Variants in SDF4 observed in about 807,000 individuals in gnomAD.
SDF4 encodes stromal cell derived factor 4.
In SDF4, 22 loss-of-function variants were observed where a neutral mutation model predicts 34.2. The observed-to-expected ratio is 0.64, with a 90% CI of 0.46 to 0.92. SDF4 has a LOEUF of 0.92. Ranked by LOEUF, SDF4 falls within the 40% of genes least tolerant of loss-of-function variation. SDF4 has a pLI of 0.00. For missense variants in SDF4, 447 were observed against 499.9 expected, an observed-to-expected ratio of 0.89 and a Z score of 1.01; for synonymous variants, 236 against 203.1, an observed-to-expected ratio of 1.16 and a Z score of -1.38.
Position 1,223,306 on chromosome 1 carries a change from T to C in SDF4, c.494A>G (p.His165Arg), listed in dbSNP as rs779968842. 2.5e-5 allele frequency: 40 copies of C among 1,614,000 alleles called. No homozygotes were observed. The Admixed American group carries it at 2.7e-4, about 11-fold the overall frequency. Reference protein sequence around the residue: ...YKVKFLASKGHSEKEVADAIR... With the variant: ...YKVKFLASKGRSEKEVADAIR... ...GGCGTCGGCAACCTCCTTCTCGCTA[T>C]GGCCTTTACTCGCCAAAAACTTCAC... Residue 165 changes from histidine to arginine, a missense_variant, in exon 4 of 7, where the codon CAT (histidine) becomes CGT (arginine). Physicochemically the swap from His to Arg is conservative, Grantham distance 29. Transcript: ENST00000360001.
intron 4 of SDF4, chr1:1,220,498 C>T: frequency 8.3e-7 from 1 of 1,198,934 alleles, no homozygotes; most frequent in Non-Finnish European, 1.1e-6. Context: ...GACCCGGCAG[C>T]TGCTCTTCCT....
In SDF4 at chr1:1,228,704, A is replaced by G; in HGVS notation, c.69T>C (p.Leu23=). 4 of 1,612,850 alleles carry G rather than the reference A, an allele frequency of 2.5e-6. No individual in the cohort carries two copies. Among genetic ancestry groups the G allele is most frequent in the Non-Finnish European group, 3.4e-6 (4 of 1,180,004 alleles). The change falls in exon 2 of 7, where the codon CTT becomes CTC. Residue 23 remains leucine (L), a synonymous_variant. Coordinates refer to ENST00000360001, the MANE Select transcript of SDF4 (RefSeq NM_016176.6). ...PCCLWLLGAV[L]LMDASARPAN... ...CAGGCCGTGCAGACGCGTCCATCAG[A>G]AGGACTGCCCCCAGGAGCCAGAGGC...
chr1:1,217,268 A>C lies in SDF4; in HGVS notation c.*244T>G. 5.2e-6 allele frequency: 1 copy of C among 193,624 alleles called. No individual in the cohort carries two copies. The highest frequency in any genetic ancestry group is 1.1e-5 in the Non-Finnish European group (1 of 94,518). 12.0% of individuals were successfully genotyped at this position (193,624 alleles called of 1,614,324 possible). ...TGAGATGCCACGATTTCGAGGGACC[A>C]GGGAGGAGGCGGCGCCGCGGGGCCA... On this transcript the variant is annotated 3_prime_UTR_variant, in exon 7 of 7. Transcript: ENST00000360001. The surrounding 1 kb of genome is among the most constrained non-coding windows in gnomAD (Gnocchi z 8.5).
At chr1:1,226,601 G>A (rs1299582994) in intron 2 of SDF4, among the ~76,000 whole-genome samples, 2 of 151,400 alleles carry the variant, frequency 1.3e-5, no homozygotes, top group African/African-American at 4.9e-5. Flanking sequence ...GCAGGAGAAG[G>A]GCGAGAAGGG....
intron 2 of SDF4, among the ~76,000 whole-genome samples, chr1:1,224,275 C>G (rs1323609233): frequency 6.6e-6 from 1 of 150,876 alleles, no homozygotes. Flanking sequence ...AAGTCACACT[C>G]TTCACGTTTT....
intron 4 of SDF4, chr1:1,221,148 TAA>T (rs1649928825): frequency 4.3e-6 from 1 of 234,336 alleles, no homozygotes; most frequent in Non-Finnish European, 8.6e-6. Context: ...AAACTCCAGA[TAA>T]GAGTACGTGA....
intron 4 of SDF4, chr1:1,219,629 G>A (rs904156074): frequency 1.0e-6 from 1 of 986,162 alleles, no homozygotes; most frequent in Non-Finnish European, 1.2e-6. Flanking sequence ...CTGGGTGTGT[G>A]GCCCCCGCTC....
rs149289348 is a variant in SDF4, at chr1:1,223,833, G to A, written c.441C>T (p.Asp147=). The change falls in exon 3 of 7, where the codon GAC becomes GAT. Residue 147 remains aspartate (D), a splice_region_variant and synonymous_variant. Transcript: ENST00000360001. ...CCCACCCCGGCCCAGCCACAGTACCGTCCCCGTCAGGGTCCACGGCGCGGA... is the reference window on the plus strand; with the variant it reads ...CCCACCCCGGCCCAGCCACAGTACCATCCCCGTCAGGGTCCACGGCGCGGA... ...THFRAVDPDG[D]GHVSWDEYKV... 247 of 1,060,798 alleles carry A rather than the reference G, an allele frequency of 2.3e-4. No homozygotes were observed. The African/African-American group carries it at 4.0e-3, about 17-fold the overall frequency. The allele number at this position is 1,060,798 out of a possible 1,614,324, so 65.7% of individuals were successfully genotyped here.
chr1:1,224,092 C>A, intron 2 of SDF4, 124 bp from the exon 3 acceptor site: 1 of 1,512,944 alleles, frequency 6.6e-7, no homozygotes, highest in South Asian at 1.2e-5. Flanking sequence ...GCGACAGGCT[C>A]CACCAGGCAA....
chr1:1,228,135 G>A (rs1188714877), intron 2 of SDF4, among the ~76,000 whole-genome samples: 3 of 152,226 alleles, frequency 2.0e-5, no homozygotes, highest in Non-Finnish European at 2.9e-5. Flanking sequence ...GAGGCTGCCC[G>A]TGGCCGGCGT....
Position 1,217,903 on chromosome 1 carries a change from G to A in SDF4, c.892-215C>T. 1.5e-6 allele frequency: 2 copies of A among 1,320,958 alleles called. No homozygotes were observed. The highest frequency in any genetic ancestry group is 2.0e-6 in the Non-Finnish European group (2 of 993,216). The allele number at this position is 1,320,958 out of a possible 1,614,324, so 81.8% of individuals were successfully genotyped here. On this transcript the variant is annotated intron_variant, in intron 6 of 6. Transcript: ENST00000360001. This position sits in a 1 kb window ranked among gnomAD's most constrained non-coding sequence, Gnocchi z 8.5. ...TGCCCGGGGCCAGCAGGGGTAACGG[G>A]GCACAGGGGCTACACAGGCCTGGAC...
Position 1,228,742 on chromosome 1 carries a change from G to C in SDF4, c.31C>G (p.Leu11Val). The change falls in exon 2 of 7, where the codon CTG becomes GTG. Residue 11 changes from leucine to valine, a missense_variant. Transcript: ENST00000360001. Reference protein sequence around the residue: MASRWGPLIGLAPCCLWLLGA... With the variant: MASRWGPLIGVAPCCLWLLGA... ...AGGAGCCAGAGGCAGCACGGAGCCAGGCCAATGAGGGGACCCCACCTGGAC... is the reference window on the plus strand; with the variant it reads ...AGGAGCCAGAGGCAGCACGGAGCCACGCCAATGAGGGGACCCCACCTGGAC... 6.2e-7 allele frequency: 1 copy of C among 1,612,110 alleles called. No individual in the cohort carries two copies.
chr1:1,217,276 G>A lies in SDF4; in HGVS notation c.*236C>T. 5.0e-6 allele frequency: 1 copy of A among 199,770 alleles called. No homozygotes were observed. The highest frequency in any genetic ancestry group is 1.0e-5 in the Non-Finnish European group (1 of 98,506). The allele number at this position is 199,770 out of a possible 1,614,324, so 12.4% of individuals were successfully genotyped here. ...CACGATTTCGAGGGACCAGGGAGGA[G>A]GCGGCGCCGCGGGGCCACAGCCCAG... On this transcript the variant is annotated 3_prime_UTR_variant, in exon 7 of 7. Transcript: ENST00000360001. This position sits in a 1 kb window ranked among gnomAD's most constrained non-coding sequence, Gnocchi z 8.5.
Position 1,218,263 on chromosome 1 carries a change from C to T in SDF4, c.891+195G>A, listed in dbSNP as rs1649655308. On this transcript the variant is annotated intron_variant, in intron 6 of 6. Coordinates refer to ENST00000360001, the MANE Select transcript of SDF4 (RefSeq NM_016176.6). The surrounding 1 kb of genome is among the most constrained non-coding windows in gnomAD (Gnocchi z 7.9). ...CCGGCCAGGCTCGCCTGTCTCTGAT[C>T]CGTCTGAACCTAAACGCCAACAACG... Among the ~76,000 whole-genome samples the T allele has an allele frequency of 2.0e-5, 3 of 152,308 alleles. No individual in the cohort carries two copies. The South Asian group carries it at 6.2e-4, about 32-fold the overall frequency.
chr1:1,221,522 C>T (rs997278846), intron 4 of SDF4, among the ~76,000 whole-genome samples: 2 of 152,112 alleles, frequency 1.3e-5, no homozygotes, highest in African/African-American at 4.8e-5. Context: ...GTATCTTACA[C>T]CTTTATTTTT....
chr1:1,220,263 G>A, intron 4 of SDF4: 1 of 1,047,836 alleles, frequency 9.5e-7, no homozygotes, highest in Non-Finnish European at 1.2e-6. Flanking sequence ...AACGACTGCT[G>A]TCCCTGTGAG....
intron 1 of SDF4, among the ~76,000 whole-genome samples, chr1:1,231,084 C>A (rs1638477016): frequency 6.6e-6 from 1 of 152,168 alleles, no homozygotes; most frequent in Admixed American, 6.5e-5. Context: ...AAAGATAAGA[C>A]CCTGTCTCGA....
At chr1:1,223,437 G>T in intron 3 of SDF4, 80 bp from the exon 4 acceptor site, 1 of 1,047,306 alleles carries the variant, frequency 9.5e-7, no homozygotes, top group Non-Finnish European at 1.4e-6. Context: ...GTCTTGCTCT[G>T]CTGCCCAGGC....
Position 1,217,818 on chromosome 1 carries a change from G to A in SDF4, c.892-130C>T, listed in dbSNP as rs779720138. 15 of 1,553,788 alleles carry A rather than the reference G, an allele frequency of 9.7e-6. No individual in the cohort carries two copies. Among genetic ancestry groups the A allele is most frequent in the South Asian group, 3.5e-5 (3 of 84,708 alleles). ...TGTGGGCACGTTCTGGAAGGTTCCC[G>A]AAGGGAGGCGGCACAAATGAAAACA... On this transcript the variant is annotated intron_variant, in intron 6 of 6. Coordinates refer to ENST00000360001, the MANE Select transcript of SDF4 (RefSeq NM_016176.6). The surrounding 1 kb of genome is among the most constrained non-coding windows in gnomAD (Gnocchi z 8.5).
Sources: allele counts gnomAD v4.1 joint callset (sites outside exome capture counted in the v4.1 genomes callset), GRCh38; gene constraint gnomAD v4.1.1; non-coding constraint Gnocchi (gnomAD v3.1); transcripts MANE v1.5; gene names NCBI Gene and HGNC (gene_info 2026-07-23, HGNC 2026-07-21).